SLC44A5: variants seen among roughly 807,000 people sequenced by gnomAD.
The protein encoded by SLC44A5 is solute carrier family 44 member 5.
Under a neutral mutation model 101.8 loss-of-function variants are expected in SLC44A5, and 57 were observed. The observed-to-expected ratio is 0.56, with a 90% CI of 0.45 to 0.70. SLC44A5 has a LOEUF of 0.70. Ranked by LOEUF, SLC44A5 falls within the 30% of genes least tolerant of loss-of-function variation. The pLI is 0.00. For missense variants in SLC44A5, 737 were observed against 853.1 expected, an observed-to-expected ratio of 0.86 and a Z score of 1.70; for synonymous variants, 281 against 290.9, an observed-to-expected ratio of 0.97 and a Z score of 0.35.
At chr1:75,570,303 T>C (rs936792236) in intron 1 of SLC44A5, among the ~76,000 whole-genome samples, 3 of 152,044 alleles carry the variant, frequency 2.0e-5, no homozygotes, top group Non-Finnish European at 4.4e-5. Context: ...GGCCCACAAG[T>C]GGATGTGAAT....
At chr1:75,315,667 T>C (rs1655635141) in intron 4 of SLC44A5, among the ~76,000 whole-genome samples, 1 of 152,180 alleles carries the variant, frequency 6.6e-6, no homozygotes, top group South Asian at 2.1e-4. Flanking sequence ...TAATCTCATC[T>C]ATACCATAGT....
rs761392782 is a variant in SLC44A5 at position 75,215,782 on chromosome 1, T to C, written c.1700A>G (p.Lys567Arg). 1 of 1,606,738 alleles carries C rather than the reference T, an allele frequency of 6.2e-7. No homozygotes were observed. The highest frequency in any genetic ancestry group is 8.5e-7 in the Non-Finnish European group (1 of 1,173,860). ...AATATAGGCATTTCTGTTTAAAAACTTTATTGCATTTTCCAAACACCAGAA... is the reference window on the plus strand; with the variant it reads ...AATATAGGCATTTCTGTTTAAAAACCTTATTGCATTTTCCAAACACCAGAA... ...CCFWCLENAI[K>R]FLNRNAYIMI... The change falls in exon 19 of 24, where the codon AAG becomes AGG. Residue 567 changes from lysine to arginine, a missense_variant. Lys to Arg is a conservative substitution (Grantham distance 26). Transcript: ENST00000370859.
chr1:75,464,208 T>G (rs1446195910), intron 2 of SLC44A5, among the ~76,000 whole-genome samples: 2 of 108,996 alleles, frequency 1.8e-5, no homozygotes, highest in Middle Eastern at 9.1e-3. Context: ...GGCGACAGAG[T>G]GAGACTCTGT....
chr1:75,392,567 G>C (rs1171066400), intron 3 of SLC44A5, among the ~76,000 whole-genome samples: 1 of 152,186 alleles, frequency 6.6e-6, no homozygotes, highest in Admixed American at 6.5e-5. Flanking sequence ...ATGTAAATGA[G>C]TTCAGTCACT....
intron 2 of SLC44A5, among the ~76,000 whole-genome samples, chr1:75,464,846 T>G (rs984743335): frequency 5.3e-5 from 8 of 152,120 alleles, no homozygotes; most frequent in African/African-American, 1.9e-4. Flanking sequence ...TTTAAATATA[T>G]ATGCACCCAA....
At chr1:75,682,094 G>A in the SLC44A5 span, among the ~76,000 whole-genome samples, 5 of 152,192 alleles carry the variant, frequency 3.3e-5, no homozygotes, top group Non-Finnish European at 5.9e-5. Context: ...GCTGCTGAAG[G>A]AAATAAAAGA....
chr1:75,656,168 T>G, the SLC44A5 span, among the ~76,000 whole-genome samples: 1 of 152,178 alleles, frequency 6.6e-6, no homozygotes, highest in Non-Finnish European at 1.5e-5. Context: ...AAGTTATTCT[T>G]CAAACATGAA....
intron 3 of SLC44A5, among the ~76,000 whole-genome samples, chr1:75,389,349 C>T (rs1364237392): frequency 2.0e-5 from 3 of 152,128 alleles, no homozygotes; most frequent in African/African-American, 4.8e-5. Flanking sequence ...CAAGATACTA[C>T]CCAACAACCA....
rs376927695 is a variant in SLC44A5, at chr1:75,411,630, G to A, written c.14-15009C>T. Among the ~76,000 whole-genome samples the A allele has an allele frequency of 1.1e-4, 16 of 151,976 alleles. No individual in the cohort carries two copies. The South Asian group carries it at 1.2e-3, about 12-fold the overall frequency. On this transcript the variant is annotated intron_variant, in intron 2 of 23. Coordinates refer to ENST00000370859, the MANE Select transcript of SLC44A5 (RefSeq NM_001130058.2). ...ACCCATAACAGAGCCAAATCACCAC[G>A]TACAGAGAGAACAAAACCATGATCC...
chr1:75,693,580 A>C, the SLC44A5 span, among the ~76,000 whole-genome samples: 1 of 152,206 alleles, frequency 6.6e-6, no homozygotes, highest in African/African-American at 2.4e-5. Context: ...AAGTTACTGA[A>C]GCGTTTCTTA....
At chr1:75,682,254 C>A in the SLC44A5 span, among the ~76,000 whole-genome samples, 1 of 152,100 alleles carries the variant, frequency 6.6e-6, no homozygotes, top group Non-Finnish European at 1.5e-5. Context: ...GAAAAAACTA[C>A]TTTAAAGTTC....
At chr1:75,268,888 G>C (rs78415856) in intron 6 of SLC44A5, among the ~76,000 whole-genome samples, 8,725 of 151,924 alleles carry the variant, frequency 0.057, 280 homozygotes, top group Middle Eastern at 0.13. Flanking sequence ...GAAACATTTA[G>C]GTTGTTTCCA....
chr1:75,708,302 T>C, the SLC44A5 span, among the ~76,000 whole-genome samples: 398 of 142,282 alleles, frequency 2.8e-3, 4 homozygotes, highest in South Asian at 4.2e-3. Flanking sequence ...TTATCCCAGC[T>C]AATCAGGAGG....
At chr1:75,235,545 A>G (rs916994970) in intron 11 of SLC44A5, among the ~76,000 whole-genome samples, 6 of 152,038 alleles carry the variant, frequency 3.9e-5, no homozygotes, top group Non-Finnish European at 5.9e-5. Flanking sequence ...AGAATAGACT[A>G]CAATCTCTGC....
chr1:75,442,277 T>C (rs1665251299), intron 2 of SLC44A5, among the ~76,000 whole-genome samples: 1 of 152,074 alleles, frequency 6.6e-6, no homozygotes, highest in South Asian at 2.1e-4. Context: ...AAAAAAATAA[T>C]GAACCTTGTT....
chr1:75,603,226 A>T (rs1437128370), intron 1 of SLC44A5, among the ~76,000 whole-genome samples: 4 of 152,156 alleles, frequency 2.6e-5, no homozygotes, highest in African/African-American at 4.8e-5. Context: ...AAGCGAGAAC[A>T]TGTGGTATCT....
At chr1:75,536,151 C>T (rs1670986695) in intron 2 of SLC44A5, among the ~76,000 whole-genome samples, 1 of 151,896 alleles carries the variant, frequency 6.6e-6, no homozygotes, top group African/African-American at 2.4e-5. Context: ...TAGGGAATTA[C>T]AGTTTGGTCA....
At chr1:75,518,218 C>A (rs1455184162) in intron 2 of SLC44A5, among the ~76,000 whole-genome samples, 1 of 152,086 alleles carries the variant, frequency 6.6e-6, no homozygotes, top group East Asian at 1.9e-4. Flanking sequence ...CTTGGTATAT[C>A]CATCCAGCAG....
chr1:75,525,495 G>A (rs1342314992), intron 2 of SLC44A5, among the ~76,000 whole-genome samples: 2 of 152,010 alleles, frequency 1.3e-5, no homozygotes, highest in East Asian at 3.9e-4. Flanking sequence ...CAGAATGTGG[G>A]ACAATACAAC....
Sources: gnomAD v4.1 joint callset for allele counts (sites outside exome capture counted in the v4.1 genomes callset) on GRCh38, gnomAD v4.1.1 for gene constraint, MANE v1.5 for transcripts, NCBI Gene and HGNC (gene_info 2026-07-23, HGNC 2026-07-21) for gene names.